Variants in ERI3 observed in about 807,000 individuals in gnomAD.
ERI3 encodes ERI1 exoribonuclease 3.
ERI3 carries 18 observed loss-of-function variants against 44.4 expected under a neutral mutation model. The ratio of observed to expected loss-of-function variants is 0.41; its 90% CI spans 0.28 to 0.60. ERI3 has a LOEUF of 0.60. Ranked by LOEUF, ERI3 falls within the 20% of genes least tolerant of loss-of-function variation. The probability of loss-of-function intolerance (pLI) is 0.36; values close to 1 mark genes in which losing one functional copy is unlikely to be tolerated. For synonymous variants in ERI3, 183 were observed against 164.8 expected, an observed-to-expected ratio of 1.11 and a Z score of -0.84; for missense variants, 294 against 435.5, an observed-to-expected ratio of 0.68 and a Z score of 2.89.
intron 2 of ERI3, among the ~76,000 whole-genome samples, chr1:44,351,914 T>G (rs1646898946): frequency 6.6e-6 from 1 of 152,308 alleles, no homozygotes; most frequent in South Asian, 2.1e-4. Context: ...AGGCCTTCCC[T>G]GAGTCTACAA....
chr1:44,284,065 C>T (rs866543027), intron 7 of ERI3: 6 of 470,936 alleles, frequency 1.3e-5, no homozygotes, highest in African/African-American at 1.0e-4. Flanking sequence ...TCCAGGACTG[C>T]TGCCCTTAGG....
chr1:44,339,423 T>C (rs1646606630), intron 2 of ERI3, 101 bp from the exon 3 acceptor site: 1 of 1,274,638 alleles, frequency 7.8e-7, no homozygotes, highest in African/African-American at 1.5e-5. Flanking sequence ...GTGGCCCTGT[T>C]CCATCTAGTC....
At chr1:44,275,247 T>C (rs1645159448) in intron 7 of ERI3, among the ~76,000 whole-genome samples, 2 of 151,824 alleles carry the variant, frequency 1.3e-5, no homozygotes, top group Admixed American at 6.6e-5. Context: ...TTCTATAGAG[T>C]CCTAGCTTCT....
intron 8 of ERI3, among the ~76,000 whole-genome samples, chr1:44,233,865 C>T (rs947174701): frequency 6.6e-6 from 1 of 152,170 alleles, no homozygotes; most frequent in Non-Finnish European, 1.5e-5. Context: ...ATCTTATTTC[C>T]TCATCTCCCA....
intron 2 of ERI3, among the ~76,000 whole-genome samples, chr1:44,339,535 C>A (rs911427500): frequency 6.6e-6 from 1 of 151,998 alleles, no homozygotes; most frequent in African/African-American, 2.4e-5. Flanking sequence ...AATAGCAGCA[C>A]CTGCAGCATT....
rs77358514 is a variant in ERI3 at position 44,307,384 on chromosome 1, C to A, written c.758+926G>T. Among the ~76,000 whole-genome samples, 28 of 152,166 alleles carry A rather than the reference C, an allele frequency of 1.8e-4. No homozygotes were observed. In the East Asian group the frequency reaches 5.4e-3, roughly 29 times the overall value. ...CTACACCACACCCCTCAGCAACATC[C>A]CACTTTATGCTCAAAAGTTCAAACA... On this transcript the variant is annotated intron_variant, in intron 6 of 8. Transcript: ENST00000372257.
Position 44,221,707 on chromosome 1 carries a change from A to G in ERI3, c.932-67T>C. The G allele has an allele frequency of 1.5e-6, 2 of 1,322,620 alleles. No individual in the cohort carries two copies. Among genetic ancestry groups the G allele is most frequent in the Non-Finnish European group, 2.2e-6 (2 of 918,276 alleles). The allele number at this position is 1,322,620 out of a possible 1,614,324, so 81.9% of individuals were successfully genotyped here. ...CCCCTCCATGCCCACAGGTGCTCTTACAAGGGTGGGGGTGGGAAGCAGGGT... is the reference window on the plus strand; with the variant it reads ...CCCCTCCATGCCCACAGGTGCTCTTGCAAGGGTGGGGGTGGGAAGCAGGGT... On this transcript the variant is annotated intron_variant, in intron 8 of 8. Coordinates refer to ENST00000372257, the MANE Select transcript of ERI3 (RefSeq NM_024066.3). The surrounding 1 kb of genome is among the most constrained non-coding windows in gnomAD (Gnocchi z 5.9).
intron 7 of ERI3, among the ~76,000 whole-genome samples, chr1:44,267,492 C>T (rs528775051): frequency 1.4e-4 from 21 of 152,286 alleles, no homozygotes; most frequent in East Asian, 7.7e-4. Flanking sequence ...AGGAGGAGGG[C>T]GTTGGACAGA....
At chr1:44,223,915 A>G (rs1643968094) in intron 8 of ERI3, among the ~76,000 whole-genome samples, 1 of 152,116 alleles carries the variant, frequency 6.6e-6, no homozygotes, top group South Asian at 2.1e-4. Context: ...TACACCACAT[A>G]TTCCTGAACA....
intron 2 of ERI3, among the ~76,000 whole-genome samples, chr1:44,350,909 AAAT>A (rs1328775579): frequency 1.3e-5 from 2 of 152,048 alleles, no homozygotes; most frequent in African/African-American, 2.4e-5. Flanking sequence ...TTAAGGACCA[AAAT>A]AATGCCACAG....
At chr1:44,237,244 A>C (rs903192782) in intron 8 of ERI3, among the ~76,000 whole-genome samples, 6 of 152,202 alleles carry the variant, frequency 3.9e-5, no homozygotes, top group Non-Finnish European at 1.5e-5. Context: ...CCTCCCACAA[A>C]GGAGCATCTC....
At chr1:44,296,051 G>A (rs192552339) in intron 6 of ERI3, among the ~76,000 whole-genome samples, 2 of 152,090 alleles carry the variant, frequency 1.3e-5, no homozygotes, top group South Asian at 2.1e-4. Flanking sequence ...GACTGTGCTC[G>A]TCCTAGCTAA....
Position 44,354,876 on chromosome 1 carries a change from A to C in ERI3, c.135+16T>G. 1 of 1,315,282 alleles carries C rather than the reference A, an allele frequency of 7.6e-7. No homozygotes were observed. The highest frequency in any genetic ancestry group is 9.8e-7 in the Non-Finnish European group (1 of 1,023,286). The allele number at this position is 1,315,282 out of a possible 1,614,324, so 81.5% of individuals were successfully genotyped here. A position where few individuals can be genotyped will look rare whatever the true frequency, so the allele number is the denominator to read the frequency against. ...ACCAGGGCCCAATCTTGGCGGGGCCATTCAGCATCACCCACCCCGGGGTGT... is the reference window on the plus strand; with the variant it reads ...ACCAGGGCCCAATCTTGGCGGGGCCCTTCAGCATCACCCACCCCGGGGTGT... On this transcript the variant is annotated intron_variant, in intron 1 of 8. Transcript: ENST00000372257.
At chr1:44,294,169 C>T (rs960947678) in intron 6 of ERI3, among the ~76,000 whole-genome samples, 34 of 152,202 alleles carry the variant, frequency 2.2e-4, no homozygotes, top group Admixed American at 1.8e-3. Context: ...TCTGGCGGCA[C>T]AGCTGGAAGT....
intron 6 of ERI3, among the ~76,000 whole-genome samples, chr1:44,306,461 T>C (rs1026500827): frequency 6.6e-6 from 1 of 152,126 alleles, no homozygotes; most frequent in Non-Finnish European, 1.5e-5. Context: ...TCATATATGG[T>C]TGGGTTCCAC....
intron 5 of ERI3, among the ~76,000 whole-genome samples, chr1:44,311,635 C>T (rs576669286): frequency 7.2e-5 from 11 of 152,204 alleles, no homozygotes; most frequent in African/African-American, 2.2e-4. Flanking sequence ...ATCTCCTCCT[C>T]GACTGGGGCC....
At chr1:44,223,323 G>C (rs749638334) in intron 8 of ERI3, among the ~76,000 whole-genome samples, 5 of 152,146 alleles carry the variant, frequency 3.3e-5, no homozygotes, top group Non-Finnish European at 5.9e-5. Context: ...GTAGTGGGTG[G>C]AGGAGGGAGG....
chr1:44,295,863 T>C (rs187443847), intron 6 of ERI3, among the ~76,000 whole-genome samples: 1 of 152,194 alleles, frequency 6.6e-6, no homozygotes, highest in Non-Finnish European at 1.5e-5. Flanking sequence ...ATGATGTTCA[T>C]CAGCTGAGCA....
intron 7 of ERI3, among the ~76,000 whole-genome samples, chr1:44,253,579 C>T (rs1572119415): frequency 1.3e-5 from 2 of 152,206 alleles, no homozygotes; most frequent in Admixed American, 6.5e-5. Flanking sequence ...TTCACTGTGA[C>T]TCTGACATAC....
Sources: allele counts gnomAD v4.1 joint callset (sites outside exome capture counted in the v4.1 genomes callset), GRCh38; gene constraint gnomAD v4.1.1; non-coding constraint Gnocchi (gnomAD v3.1); transcripts MANE v1.5; gene names NCBI Gene and HGNC (gene_info 2026-07-23, HGNC 2026-07-21).